The following GET4 variants were observed in gnomAD, a reference collection of about 807,000 sequenced individuals.
The protein encoded by GET4 is Golgi to ER traffic protein 4 homolog.
In GET4, 20 loss-of-function variants were observed where a neutral mutation model predicts 40.0. That is an observed-to-expected ratio of 0.50 (90% CI 0.35 to 0.73). The LOEUF (loss-of-function observed/expected upper bound fraction) is 0.73. GET4 is among the 30% of genes least tolerant of loss of function. The pLI, the probability that GET4 is intolerant of heterozygous loss-of-function variation, is 0.01. For missense variants in GET4, 557 were observed against 454.0 expected (o/e 1.23, Z -2.06); for synonymous variants, 280 against 194.6 (o/e 1.44, Z -3.65).
chr7:879,942 C>G (rs975248208), intron 1 of GET4: 1 of 152,232 alleles, frequency 6.6e-6, no homozygotes, highest in African/African-American at 2.4e-5. Flanking sequence ...CAACGCGAGC[C>G]TTCCCGTGGG....
chr7:895,060 G>T (rs186856012), intron 8 of GET4, among the ~76,000 whole-genome samples: 3 of 151,572 alleles, frequency 2.0e-5, no homozygotes, highest in Non-Finnish European at 4.4e-5. Context: ...GTAGGCCCCC[G>T]TGGCTGCTCC....
At chr7:878,129 CG>C in intron 1 of GET4, 1 of 373,414 alleles carries the variant, frequency 2.7e-6, no homozygotes, top group South Asian at 1.9e-5. Context: ...GACCTAGGCT[CG>C]GTGACACCTG....
chr7:893,234 GGT>G (rs1232634097), intron 6 of GET4, among the ~76,000 whole-genome samples: 1 of 134,132 alleles, frequency 7.5e-6, no homozygotes, highest in Non-Finnish European at 1.6e-5. Context: ...GCGTGGGCGT[GGT>G]GGTGTGTGCA....
intron 1 of GET4, chr7:881,653 G>C (rs1371092906): frequency 1.3e-5 from 2 of 152,166 alleles, no homozygotes; most frequent in Non-Finnish European, 2.9e-5. Context: ...GGGCAGGTGT[G>C]CAGGCTTTGT....
At chr7:877,761 CTCT>C (rs1843994014) in intron 1 of GET4, 1 of 51,610 alleles carries the variant, frequency 1.9e-5, no homozygotes, top group Non-Finnish European at 3.7e-5. Flanking sequence ...CTCCCTCCAC[CTCT>C]CCCTTGGCCC....
chr7:883,612 C>G (rs1844128917), intron 1 of GET4: 1 of 985,472 alleles, frequency 1.0e-6, no homozygotes, highest in Non-Finnish European at 1.2e-6. Context: ...AAGCCATTTC[C>G]CTATCTGGAA....
rs960615969 is a variant in GET4 at position 895,551 on chromosome 7, G to T, written c.*129G>T. On this transcript the variant is annotated 3_prime_UTR_variant, in exon 9 of 9. Transcript: ENST00000265857. ...GCTGGCGGTGGCCGCATGCCGGCGCGTGTCTGTTTCTGTGCGGCGGCTCAG... is the reference window on the plus strand; with the variant it reads ...GCTGGCGGTGGCCGCATGCCGGCGCTTGTCTGTTTCTGTGCGGCGGCTCAG... 13 of 540,660 alleles carry T rather than the reference G, an allele frequency of 2.4e-5. No individual in the cohort carries two copies. Among genetic ancestry groups the T allele is most frequent in the African/African-American group, 2.3e-4 (12 of 51,314 alleles). The allele number at this position is 540,660 out of a possible 1,614,324, so 33.5% of individuals were successfully genotyped here.
At chr7:883,797 C>T in intron 1 of GET4, 2 of 989,582 alleles carry the variant, frequency 2.0e-6, no homozygotes, top group Non-Finnish European at 2.4e-6. Context: ...TTCCAGAATT[C>T]TCCAGTACAG....
At chr7:876,873 C>T in intron 1 of GET4, 73 bp downstream of exon 1, 1 of 869,868 alleles carries the variant, frequency 1.1e-6, no homozygotes, top group Non-Finnish European at 1.4e-6. Context: ...CCGCCTCGCC[C>T]CGCGCCCCCA....
intron 3 of GET4, 196 bp from the exon 4 acceptor site, chr7:887,174 G>A (rs562395941): frequency 1.2e-5 from 9 of 740,780 alleles, no homozygotes; most frequent in Admixed American, 7.7e-5. Context: ...TTCCTTCCTC[G>A]CTGTGCTCTG....
chr7:885,917 C>T, intron 1 of GET4, 139 bp from the exon 2 acceptor site: 3 of 673,666 alleles, frequency 4.5e-6, no homozygotes, highest in Non-Finnish European at 8.0e-6. Context: ...CCACGCAGCA[C>T]CTGGGCCCTG....
chr7:878,400 T>A (rs1436393231), intron 1 of GET4: 1 of 470,658 alleles, frequency 2.1e-6, no homozygotes, highest in African/African-American at 2.0e-5. Context: ...GTCTGGCCAG[T>A]CACTAGGAAT....
intron 6 of GET4, 38 bp from the exon 7 acceptor site, chr7:893,702 C>A (rs761387350): frequency 2.8e-6 from 4 of 1,407,550 alleles, no homozygotes; most frequent in East Asian, 2.3e-5. Flanking sequence ...TGGTCCTGTT[C>A]TGCTCACCCA....
At chr7:891,200 T>C (rs1844314317) in intron 5 of GET4, 134 bp downstream of exon 5, 1 of 645,584 alleles carries the variant, frequency 1.5e-6, no homozygotes, top group African/African-American at 1.9e-5. Context: ...GAGCCCACAG[T>C]GCACTTGTCA....
At position 876,753 on chromosome 7, in the gene GET4, G is replaced by A. The variant is rs760375890; in HGVS notation, c.108G>A (p.Lys36=). ...VEGKLRASVE[K]GDYYEAHQMY... Reference sequence around the variant, plus strand: ...GCAAGCTGCGCGCCAGCGTCGAGAAGGGCGACTACTACGAGGCGCACCAGA... The same window carrying A: ...GCAAGCTGCGCGCCAGCGTCGAGAAAGGCGACTACTACGAGGCGCACCAGA... Residue 36 remains lysine (K), a synonymous_variant, in exon 1 of 9, where the codon AAG becomes AAA. Transcript: ENST00000265857. 1.5e-6 allele frequency: 2 copies of A among 1,369,410 alleles called. No individual in the cohort carries two copies. The highest frequency in any genetic ancestry group is 1.9e-6 in the Non-Finnish European group (2 of 1,047,456). The allele number at this position is 1,369,410 out of a possible 1,614,324, so 84.8% of individuals were successfully genotyped here. A position where few individuals can be genotyped will look rare whatever the true frequency, so the allele number is the denominator to read the frequency against.
chr7:886,896 T>C, intron 3 of GET4: 1 of 562,074 alleles, frequency 1.8e-6, no homozygotes, highest in Non-Finnish European at 3.2e-6. Flanking sequence ...TGGGGCCCTG[T>C]CCTCTCCACT....
intron 3 of GET4, 128 bp from the exon 4 acceptor site, chr7:887,242 C>T (rs753684518): frequency 2.1e-6 from 2 of 951,942 alleles, no homozygotes. Context: ...ACGGCTCACT[C>T]AGGGACGCCC....
intron 1 of GET4, chr7:884,556 T>G: frequency 3.0e-6 from 1 of 330,728 alleles, no homozygotes; most frequent in Admixed American, 4.2e-5. Context: ...CGGTCTCCTG[T>G]GGGGGGAGGG....
intron 3 of GET4, 109 bp from the exon 4 acceptor site, chr7:887,261 C>A: frequency 8.9e-7 from 1 of 1,120,406 alleles, no homozygotes; most frequent in Non-Finnish European, 1.4e-6. Context: ...CCAGCAGGTT[C>A]CTCTCCCTGT....
Sources: allele counts gnomAD v4.1 joint callset (sites outside exome capture counted in the v4.1 genomes callset), GRCh38; gene constraint gnomAD v4.1.1; transcripts MANE v1.5; gene names NCBI Gene and HGNC (gene_info 2026-07-23, HGNC 2026-07-21).